The following ANKRD33B variants were observed in gnomAD, a reference collection of about 807,000 sequenced individuals.
ANKRD33B encodes the protein ankyrin repeat domain-containing protein 33B.
In ANKRD33B, 6 loss-of-function variants were observed where a neutral mutation model predicts 21.5. The observed-to-expected ratio is 0.28, with a 90% CI of 0.15 to 0.55. The LOEUF is 0.55. ANKRD33B is among the 20% of genes least tolerant of loss of function. ANKRD33B has a pLI of 0.94. For missense variants in ANKRD33B, 698 were observed against 747.2 expected, an observed-to-expected ratio of 0.93 and a Z score of 0.77; for synonymous variants, 347 against 342.4, an observed-to-expected ratio of 1.01 and a Z score of -0.15.
intron 1 of ANKRD33B, among the ~76,000 whole-genome samples, chr5:10,575,560 T>TC (rs1449560554): frequency 1.3e-5 from 2 of 151,594 alleles, no homozygotes; most frequent in Non-Finnish European, 2.9e-5. Context: ...ACGGGCAGAG[T>TC]CCCCTATTTA....
intron 1 of ANKRD33B, among the ~76,000 whole-genome samples, chr5:10,579,588 G>GC (rs1486897679): frequency 6.6e-6 from 1 of 152,032 alleles, no homozygotes; most frequent in Non-Finnish European, 1.5e-5. Flanking sequence ...ATTAATCAGT[G>GC]CACATATAGA....
rs1333307943 is a variant in ANKRD33B, at chr5:10,564,401, G to C, written c.-67G>C. On this transcript the variant is annotated 5_prime_UTR_variant, in exon 1 of 4. Transcript: ENST00000296657. ...GCAGAAGCGAGAAGCGGGGACCTCG[G>C]CGCGCGCCCCGCGTCCCGCTCTTCC... The C allele has an allele frequency of 6.1e-6, 6 of 990,798 alleles. No homozygotes were observed. The highest frequency in any genetic ancestry group is 7.2e-6 in the Non-Finnish European group (6 of 828,770). 61.4% of individuals were successfully genotyped at this position (990,798 alleles called of 1,614,324 possible).
chr5:10,643,055 C>G (rs1737101746), intron 3 of ANKRD33B, among the ~76,000 whole-genome samples: 1 of 152,092 alleles, frequency 6.6e-6, no homozygotes, highest in Non-Finnish European at 1.5e-5. Context: ...CAGGCATGCA[C>G]CACCACATCC....
chr5:10,619,582 G>C lies in ANKRD33B; in HGVS notation c.496+1120G>C, dbSNP rs868309985. On this transcript the variant is annotated intron_variant, in intron 2 of 3. Coordinates refer to ENST00000296657, the MANE Select transcript of ANKRD33B (RefSeq NM_001164440.2). The surrounding 1 kb of genome is among the most constrained non-coding windows in gnomAD (Gnocchi z 4.5). ...GGGCACCCTACTTTTCAATCAAGAC[G>C]AATAGAGTGGGGGAACTCTTCAAAC... Among the ~76,000 whole-genome samples, 1 of 152,154 alleles carries C rather than the reference G, an allele frequency of 6.6e-6. No homozygotes were observed. The highest frequency in any genetic ancestry group is 1.5e-5 in the Non-Finnish European group (1 of 68,036).
chr5:10,609,288 C>T (rs1736115688), intron 1 of ANKRD33B, among the ~76,000 whole-genome samples: 1 of 152,186 alleles, frequency 6.6e-6, no homozygotes, highest in African/African-American at 2.4e-5. Flanking sequence ...TGCAGTAGCT[C>T]ATGCCTGTAA....
intron 2 of ANKRD33B, among the ~76,000 whole-genome samples, chr5:10,632,113 A>G (rs577626786): frequency 6.6e-6 from 1 of 151,696 alleles, no homozygotes; most frequent in East Asian, 1.9e-4. Context: ...CCCCTTGGGC[A>G]GGAGGGGGTC....
chr5:10,608,731 G>C (rs1202224287), intron 1 of ANKRD33B, among the ~76,000 whole-genome samples: 6 of 151,800 alleles, frequency 4.0e-5, no homozygotes, highest in African/African-American at 7.3e-5. Flanking sequence ...TTGAATGGGA[G>C]GCATTGCTTA....
intron 1 of ANKRD33B, among the ~76,000 whole-genome samples, chr5:10,579,107 T>C (rs1735383645): frequency 6.8e-6 from 1 of 148,106 alleles, no homozygotes; most frequent in African/African-American, 2.5e-5. Flanking sequence ...AAGGCTGCAG[T>C]GAGCCGTGAT....
chr5:10,624,760 G>A (rs1199523015), intron 2 of ANKRD33B: 1 of 456,766 alleles, frequency 2.2e-6, no homozygotes, highest in Admixed American at 2.3e-5. Context: ...AGTTTCCTTA[G>A]ACACTGGCTC....
In ANKRD33B at chr5:10,614,070, G is replaced by A. The variant is rs566824488; in HGVS notation, c.367-4263G>A. Among the ~76,000 whole-genome samples, 9 of 151,310 alleles carry A rather than the reference G, an allele frequency of 5.9e-5. No individual in the cohort carries two copies. The East Asian group carries it at 9.8e-4, about 16-fold the overall frequency. ...AAGGAGAGAGATTTGAGGAACTGGC[G>A]TGTGCGATTGTAGGGGCTGGCAAGT... On this transcript the variant is annotated intron_variant, in intron 1 of 3. Transcript: ENST00000296657.
At chr5:10,598,376 C>T (rs898784623) in intron 1 of ANKRD33B, among the ~76,000 whole-genome samples, 9 of 152,176 alleles carry the variant, frequency 5.9e-5, no homozygotes, top group Middle Eastern at 3.2e-3. Flanking sequence ...AAGCGATTCT[C>T]CTGCCTCAGT....
chr5:10,581,970 G>A lies in ANKRD33B; in HGVS notation c.366+17137G>A, dbSNP rs371572572. 6.0e-4 allele frequency among the ~76,000 whole-genome samples: 92 copies of A among 152,330 alleles called. No homozygotes were observed. The South Asian group carries it at 0.019, about 31-fold the overall frequency. On this transcript the variant is annotated intron_variant, in intron 1 of 3. Transcript: ENST00000296657. ...GAGCCCTGACTTATGCATTCCCATAGGAACATTGTCTGCTGGCAGAGCCTC... is the reference window on the plus strand; with the variant it reads ...GAGCCCTGACTTATGCATTCCCATAAGAACATTGTCTGCTGGCAGAGCCTC...
intron 3 of ANKRD33B, among the ~76,000 whole-genome samples, chr5:10,639,983 T>G (rs1736996365): frequency 1.4e-5 from 1 of 71,974 alleles, no homozygotes. Flanking sequence ...TGACGCGGAG[T>G]TGCGCGGCGA....
chr5:10,577,483 G>C (rs1270873485), intron 1 of ANKRD33B, among the ~76,000 whole-genome samples: 1 of 152,176 alleles, frequency 6.6e-6, no homozygotes, highest in East Asian at 1.9e-4. Flanking sequence ...GGCCCATCCT[G>C]GGTCTTGCAG....
chr5:10,571,902 T>TC (rs1394750557), intron 1 of ANKRD33B, among the ~76,000 whole-genome samples: 3 of 151,300 alleles, frequency 2.0e-5, no homozygotes, highest in African/African-American at 7.3e-5. Context: ...CTTTTTTTTT[T>TC]TTTGAGACGG....
chr5:10,564,455 C>G lies in ANKRD33B; in HGVS notation c.-13C>G. 8.7e-7 allele frequency: 1 copy of G among 1,145,710 alleles called. No individual in the cohort carries two copies. The highest frequency in any genetic ancestry group is 1.1e-6 in the Non-Finnish European group (1 of 933,504). The allele number at this position is 1,145,710 out of a possible 1,614,324, so 71.0% of individuals were successfully genotyped here. On this transcript the variant is annotated 5_prime_UTR_variant, in exon 1 of 4. Transcript: ENST00000296657. ...CCGCGCCCCGGCCCCCGGCCCGCGCCCCGGCCGCCGGCATGGTGCTGCTGG... is the reference window on the plus strand; with the variant it reads ...CCGCGCCCCGGCCCCCGGCCCGCGCGCCGGCCGCCGGCATGGTGCTGCTGG...
rs991677400 is a variant in ANKRD33B at position 10,656,907 on chromosome 5, T to G, written c.*6794T>G. On this transcript the variant is annotated 3_prime_UTR_variant, in exon 4 of 4. Transcript: ENST00000296657. The stretch of plus-strand genomic sequence containing the variant: ...CCTATGTATTAGACACTCTAATCAA[T>G]GCTAACACAGTTCAGTTTTTGAGGG... 2.0e-5 allele frequency: 3 copies of G among 152,418 alleles called. No individual in the cohort carries two copies. The highest frequency in any genetic ancestry group is 1.3e-4 in the Admixed American group (2 of 15,302). 9.4% of individuals were successfully genotyped at this position (152,418 alleles called of 1,614,324 possible). A position where few individuals can be genotyped will look rare whatever the true frequency, so the allele number is the denominator to read the frequency against.
rs1047953671 is a variant in ANKRD33B, at chr5:10,651,998, T to G, written c.*1885T>G. On this transcript the variant is annotated 3_prime_UTR_variant, in exon 4 of 4. Transcript: ENST00000296657. ...ACTGCAGATATTAGTTGACTGTGGG[T>G]CACCCTCGTGGCCAAGGAGTTGGGA... 6.6e-6 allele frequency: 1 copy of G among 152,378 alleles called. No individual in the cohort carries two copies. Among genetic ancestry groups the G allele is most frequent in the African/African-American group, 2.4e-5 (1 of 41,454 alleles). The allele number at this position is 152,378 out of a possible 1,614,324, so 9.4% of individuals were successfully genotyped here.
At position 10,618,397 on chromosome 5, in the gene ANKRD33B, C is replaced by G; in HGVS notation, c.431C>G (p.Pro144Arg). The G allele has an allele frequency of 6.5e-7, 1 of 1,537,678 alleles. No individual in the cohort carries two copies. Among genetic ancestry groups the G allele is most frequent in the Non-Finnish European group, 8.7e-7 (1 of 1,146,988 alleles). ...VDTVVALAECPHVDVNWQDSE... is the reference protein window; with the variant it reads ...VDTVVALAECRHVDVNWQDSE... ...ACCGTGGTGGCCTTAGCAGAGTGCC[C>G]CCACGTTGACGTCAACTGGCAGGAC... The change falls in exon 2 of 4, where the codon CCC becomes CGC. Residue 144 changes from proline (P) to arginine (R), a missense_variant. Pro to Arg is a moderately radical substitution (Grantham distance 103, BLOSUM62 -2). Coordinates refer to ENST00000296657, the MANE Select transcript of ANKRD33B (RefSeq NM_001164440.2).
Sources: gnomAD v4.1 joint callset for allele counts (sites outside exome capture counted in the v4.1 genomes callset) on GRCh38, gnomAD v4.1.1 for gene constraint, Gnocchi (gnomAD v3.1) non-coding constraint, MANE v1.5 for transcripts, NCBI Gene and HGNC (gene_info 2026-07-23, HGNC 2026-07-21) for gene names.